Variants in RBL1 observed in about 807,000 individuals in gnomAD.
The protein encoded by RBL1 is RB transcriptional corepressor like 1.
RBL1 carries 82 observed loss-of-function variants against 123.0 expected under a neutral mutation model. The ratio of observed to expected loss-of-function variants is 0.67; its 90% CI spans 0.56 to 0.80. The LOEUF is 0.80. Ranked by LOEUF, RBL1 falls within the 30% of genes least tolerant of loss-of-function variation. The pLI, the probability that RBL1 is intolerant of heterozygous loss-of-function variation, is 0.00. For missense variants in RBL1, 1,171 were observed against 1,299.6 expected (o/e 0.90, Z 1.52); for synonymous variants, 405 against 441.3 (o/e 0.92, Z 1.03).
intron 14 of RBL1, among the ~76,000 whole-genome samples, chr20:37,036,917 G>A (rs1425830403): frequency 6.6e-6 from 1 of 152,086 alleles, no homozygotes; most frequent in Admixed American, 6.5e-5. Flanking sequence ...GAGCCACTGC[G>A]CCTGGCCCTG....
intron 15 of RBL1, among the ~76,000 whole-genome samples, chr20:37,034,783 G>A (rs1364400163): frequency 6.6e-6 from 1 of 151,924 alleles, no homozygotes; most frequent in Non-Finnish European, 1.5e-5. Flanking sequence ...AACCACTATA[G>A]GTTCAAAACA....
In RBL1 at chr20:37,040,192, C is replaced by T; in HGVS notation, c.1864G>A (p.Val622Ile). 1 of 1,614,052 alleles carries T rather than the reference C, an allele frequency of 6.2e-7. No individual in the cohort carries two copies. The highest frequency in any genetic ancestry group is 8.5e-7 in the Non-Finnish European group (1 of 1,179,986). Residue 622 changes from valine (V) to isoleucine (I), a missense_variant, in exon 14 of 22, where the codon GTC becomes ATC. Val to Ile is a conservative substitution (Grantham distance 29, BLOSUM62 3). Coordinates refer to ENST00000373664, the MANE Select transcript of RBL1 (RefSeq NM_002895.5). ...MPMSPLMHPR[V>I]KEVRTDSGSL... is the part of the protein sequence containing the mutation. The stretch of plus-strand genomic sequence containing the variant: ...CCACTGTCAGTTCGAACTTCCTTGA[C>T]TCTTGGGTGCATTAGAGGAGACATT...
chr20:37,025,682 T>C (rs1161375946), intron 16 of RBL1, among the ~76,000 whole-genome samples: 1 of 151,884 alleles, frequency 6.6e-6, no homozygotes, highest in African/African-American at 2.4e-5. Context: ...AGGGAAGCAG[T>C]CATCATGGAC....
At chr20:37,031,558 C>A in intron 16 of RBL1, among the ~76,000 whole-genome samples, 1 of 152,114 alleles carries the variant, frequency 6.6e-6, no homozygotes, top group African/African-American at 2.4e-5. Context: ...AAACACGAAA[C>A]GTTGGCAACG....
At chr20:37,024,588 T>C (rs2064391699) in intron 16 of RBL1, among the ~76,000 whole-genome samples, 2 of 152,216 alleles carry the variant, frequency 1.3e-5, no homozygotes, top group South Asian at 4.1e-4. Flanking sequence ...ACTCAATGAA[T>C]GGTTATTTTG....
intron 16 of RBL1, among the ~76,000 whole-genome samples, chr20:37,031,258 C>A (rs2064506685): frequency 6.6e-6 from 1 of 151,776 alleles, no homozygotes; most frequent in South Asian, 2.1e-4. Context: ...AAAAGGCAAC[C>A]CACAGAATGG....
At chr20:37,025,915 T>G (rs1427645849) in intron 16 of RBL1, among the ~76,000 whole-genome samples, 1 of 152,072 alleles carries the variant, frequency 6.6e-6, no homozygotes, top group Non-Finnish European at 1.5e-5. Context: ...GGTAATTTTT[T>G]TGTATTTTAA....
At chr20:37,090,287 G>C (rs1400527127) in intron 1 of RBL1, among the ~76,000 whole-genome samples, 1 of 152,156 alleles carries the variant, frequency 6.6e-6, no homozygotes, top group African/African-American at 2.4e-5. Context: ...TATACTCTGT[G>C]AAGTTCACAC....
chr20:37,060,995 C>T, intron 9 of RBL1, 108 bp downstream of exon 9: 1 of 1,207,946 alleles, frequency 8.3e-7, no homozygotes, highest in Non-Finnish European at 1.1e-6. Context: ...GTAAAACTTG[C>T]CAGATGAACA....
In RBL1 at chr20:37,015,712, G is replaced by C. The variant is rs113701852; in HGVS notation, c.2722+2567C>G. Among the ~76,000 whole-genome samples, 614 of 150,916 alleles carry C rather than the reference G, an allele frequency of 4.1e-3. 7 individuals are homozygous for C. The highest frequency in any genetic ancestry group is 0.014 in the African/African-American group (588 of 41,034). The stretch of plus-strand genomic sequence containing the variant: ...CCCAAAGTGCTGGGATTACAGGCGT[G>C]AGCCACCGCACCCGGGCTTGTTTGT... On this transcript the variant is annotated intron_variant, in intron 19 of 21. Coordinates refer to ENST00000373664, the MANE Select transcript of RBL1 (RefSeq NM_002895.5).
chr20:37,086,172 A>G (rs866604160), intron 2 of RBL1, among the ~76,000 whole-genome samples: 33 of 152,342 alleles, frequency 2.2e-4, no homozygotes, highest in Middle Eastern at 3.4e-3. Flanking sequence ...ATTGACAGAA[A>G]AAGATCAGAT....
chr20:37,041,193 C>T (rs1220967248), intron 13 of RBL1, among the ~76,000 whole-genome samples: 1 of 152,010 alleles, frequency 6.6e-6, no homozygotes, highest in Admixed American at 6.5e-5. Context: ...AACAAAGAAT[C>T]AAAAGACACG....
chr20:37,038,193 TG>T (rs2064658417), intron 14 of RBL1, among the ~76,000 whole-genome samples: 1 of 151,466 alleles, frequency 6.6e-6, no homozygotes, highest in South Asian at 2.1e-4. Context: ...GGTTTCACCA[TG>T]TTGGCCAGGC....
chr20:37,054,408 C>T (rs974962339), intron 11 of RBL1, among the ~76,000 whole-genome samples: 6 of 151,926 alleles, frequency 3.9e-5, no homozygotes, highest in East Asian at 1.9e-4. Flanking sequence ...TGCTTGAACT[C>T]GCGAGGCGGA....
Position 37,041,512 on chromosome 20 carries a change from G to A in RBL1, c.1771-1227C>T, listed in dbSNP as rs558005424. ...AATTTTTTGTATTTTTAGTAGAGAC[G>A]GGGTTTCACCATATTGGCCAGCCTG... is the stretch of plus-strand genomic sequence containing the variant. On this transcript the variant is annotated intron_variant, in intron 13 of 21. Coordinates refer to ENST00000373664, the MANE Select transcript of RBL1 (RefSeq NM_002895.5). Among the ~76,000 whole-genome samples the A allele has an allele frequency of 6.8e-4, 103 of 152,026 alleles. 1 individual carries two copies. The highest frequency in any genetic ancestry group is 1.1e-3 in the Non-Finnish European group (78 of 67,974).
Position 36,998,870 on chromosome 20 carries a change from T to TA in RBL1, c.3095dup (p.Ile1033AsnfsTer5). 1 of 1,613,576 alleles carries TA rather than the reference T, an allele frequency of 6.2e-7. No individual in the cohort carries two copies. The highest frequency in any genetic ancestry group is 8.5e-7 in the Non-Finnish European group (1 of 1,179,554). On this transcript the variant is annotated frameshift_variant, in exon 22 of 22. Transcript: ENST00000373664. LOFTEE classifies it high-confidence loss of function. ...ATTCTGCATCACTATCGATGGCTAT[T>TA]ACTCGCTTCTTGGTTCTCTGCTCAC...
chr20:37,035,211 A>G (rs1348372774), intron 15 of RBL1, 31 bp downstream of exon 15: 7 of 1,556,748 alleles, frequency 4.5e-6, no homozygotes, highest in Non-Finnish European at 4.4e-6. Flanking sequence ...TATCTCAGAA[A>G]AAGTACAAAA....
intron 16 of RBL1, among the ~76,000 whole-genome samples, chr20:37,024,711 CAAAAT>C (rs781297321): frequency 1.2e-3 from 182 of 152,136 alleles, no homozygotes; most frequent in Middle Eastern, 3.4e-3. Context: ...AAACAACATT[CAAAAT>C]AAAGAATTCA....
intron 13 of RBL1, among the ~76,000 whole-genome samples, chr20:37,041,290 C>T (rs1456138647): frequency 1.3e-5 from 2 of 152,124 alleles, no homozygotes; most frequent in African/African-American, 4.8e-5. Flanking sequence ...GTGCACAACT[C>T]TGGGCACACA....
Sources: gnomAD v4.1 joint callset for allele counts (sites outside exome capture counted in the v4.1 genomes callset) on GRCh38, gnomAD v4.1.1 for gene constraint, MANE v1.5 for transcripts, NCBI Gene and HGNC (gene_info 2026-07-23, HGNC 2026-07-21) for gene names.